The following CACNA1D variants were observed in gnomAD, a reference collection of about 807,000 sequenced individuals.
The protein encoded by CACNA1D is calcium voltage-gated channel subunit alpha1 D.
CACNA1D carries 55 observed loss-of-function variants against 257.1 expected under a neutral mutation model. That is an observed-to-expected ratio of 0.21 (90% confidence interval 0.17 to 0.27). The LOEUF (loss-of-function observed/expected upper bound fraction) is 0.27. CACNA1D is among the 10% of genes least tolerant of loss of function. CACNA1D has a pLI of 1.00. For synonymous variants in CACNA1D, 980 were observed against 1,014.9 expected, an observed-to-expected ratio of 0.97 and a Z score of 0.65; for missense variants, 1,876 against 2,784.0, an observed-to-expected ratio of 0.67 and a Z score of 7.34.
intron 45 of CACNA1D, 150 bp from the exon 46 acceptor site, chr3:53,808,499 G>T (rs1053381086): frequency 4.7e-6 from 4 of 848,678 alleles, no homozygotes; most frequent in Non-Finnish European, 7.8e-6. Context: ...ACTAAAGTTT[G>T]GAGACCTCAC....
intron 8 of CACNA1D, among the ~76,000 whole-genome samples, chr3:53,684,621 CAAAAAAAAAAA>C (rs60026644): frequency 0.32 from 27,069 of 85,316 alleles, 3,227 homozygotes; most frequent in South Asian, 0.55. Flanking sequence ...GAAACTCTGT[CAAAAAAAAAAA>C]AAAAAAAAAA....
intron 40 of CACNA1D, among the ~76,000 whole-genome samples, chr3:53,795,268 GAATAT>G (rs2095502466): frequency 6.6e-6 from 1 of 152,222 alleles, no homozygotes; most frequent in South Asian, 2.1e-4. Flanking sequence ...GCTGACTTAG[GAATAT>G]AAGAGCTCTG....
chr3:53,640,663 G>A (rs943103098), intron 3 of CACNA1D, among the ~76,000 whole-genome samples: 1 of 152,204 alleles, frequency 6.6e-6, no homozygotes, highest in African/African-American at 2.4e-5. Context: ...CTTGGTTGGT[G>A]CTCAATTGTT....
rs540315739 is a variant in CACNA1D, at chr3:53,571,091, C to T, written c.483+69371C>T. Among the ~76,000 whole-genome samples the T allele has an allele frequency of 9.2e-5, 14 of 152,252 alleles. No homozygotes were observed. The East Asian group carries it at 1.5e-3, about 17-fold the overall frequency. On this transcript the variant is annotated intron_variant, in intron 3 of 47. Coordinates refer to ENST00000350061, the MANE Select transcript of CACNA1D (RefSeq NM_001128840.3). ...CTGCCATTGGTGATTTTGGGTGCTT[C>T]GTGGGCTTTGGGTCAAGGCAGGGGG...
intron 26 of CACNA1D, 77 bp from the exon 27 acceptor site, chr3:53,749,191 G>A (rs1191450559): frequency 2.0e-6 from 2 of 993,456 alleles, no homozygotes; most frequent in East Asian, 2.5e-5. Context: ...TGGAGAGGGA[G>A]GACCTGGGAA....
intron 45 of CACNA1D, 37 bp from the exon 46 acceptor site, chr3:53,808,612 T>G: frequency 6.2e-7 from 1 of 1,603,102 alleles, no homozygotes; most frequent in Non-Finnish European, 8.5e-7. Flanking sequence ...GGCAGAGAAC[T>G]TGCTTCACAG....
intron 5 of CACNA1D, among the ~76,000 whole-genome samples, chr3:53,660,796 T>G (rs2094196529): frequency 6.6e-6 from 1 of 152,180 alleles, no homozygotes; most frequent in South Asian, 2.1e-4. Flanking sequence ...GGATGAATGC[T>G]TCTTACCTGG....
chr3:53,692,844 G>A (rs188787194), intron 8 of CACNA1D, among the ~76,000 whole-genome samples: 1 of 152,240 alleles, frequency 6.6e-6, no homozygotes, highest in African/African-American at 2.4e-5. Flanking sequence ...GATCCCTTGA[G>A]GCCAGAAGTT....
In CACNA1D at chr3:53,802,152, G is replaced by A. The variant is rs754161736; in HGVS notation, c.5414G>A (p.Arg1805His). 15 of 1,608,072 alleles carry A rather than the reference G, an allele frequency of 9.3e-6. No individual in the cohort carries two copies. The highest frequency in any genetic ancestry group is 1.3e-5 in the Non-Finnish European group (15 of 1,174,676). The change falls in exon 43 of 48, where the codon CGC becomes CAC. Residue 1805 changes from arginine to histidine, a missense_variant. Physicochemically the swap from Arg to His is conservative, Grantham distance 29. Transcript: ENST00000350061. ...PQRRSSVKRT[R>H]YYETYIRSDS... is the part of the protein sequence containing the mutation. The stretch of plus-strand genomic sequence containing the variant: ...GTTATGCCTTTCCTGGATAGAACCC[G>A]CTATTATGAAACTTACATTAGGTAT...
In CACNA1D at chr3:53,753,584, T is replaced by G; in HGVS notation, c.3688T>G (p.Ser1230Ala). ...TCTTCATCCATAGCACTACGAGCAG[T>G]CCAAGATGTTCAATGATGCCATGGA... Reference protein sequence around the residue: ...LCLAMQHYEQSKMFNDAMDIL... With the variant: ...LCLAMQHYEQAKMFNDAMDIL... The change falls in exon 29 of 48, where the codon TCC becomes GCC. Residue 1230 changes from serine (S) to alanine (A), a missense_variant. Coordinates refer to ENST00000350061, the MANE Select transcript of CACNA1D (RefSeq NM_001128840.3). The G allele has an allele frequency of 6.2e-7, 1 of 1,607,206 alleles. No individual in the cohort carries two copies. Among genetic ancestry groups the G allele is most frequent in the Non-Finnish European group, 8.5e-7 (1 of 1,173,676 alleles).
intron 3 of CACNA1D, among the ~76,000 whole-genome samples, chr3:53,570,345 A>G (rs1444075386): frequency 1.3e-5 from 2 of 152,266 alleles, no homozygotes; most frequent in Non-Finnish European, 1.5e-5. Context: ...TGCACTGAGC[A>G]TAATTCCAAA....
chr3:53,608,055 A>T (rs1036585538), intron 3 of CACNA1D, among the ~76,000 whole-genome samples: 19 of 152,272 alleles, frequency 1.2e-4, no homozygotes, highest in African/African-American at 4.6e-4. Context: ...TTAGATTTTG[A>T]TTGGGATTAC....
chr3:53,730,094 A>G (rs2094974645), intron 15 of CACNA1D, among the ~76,000 whole-genome samples: 1 of 152,202 alleles, frequency 6.6e-6, no homozygotes, highest in Admixed American at 6.5e-5. Flanking sequence ...TGTTTATGTT[A>G]TAGATTGTTT....
chr3:53,719,353 C>T (rs2094857187), intron 10 of CACNA1D, among the ~76,000 whole-genome samples: 1 of 152,234 alleles, frequency 6.6e-6, no homozygotes, highest in African/African-American at 2.4e-5. Flanking sequence ...CCAAGACCTG[C>T]TGCTTTCCCA....
intron 3 of CACNA1D, among the ~76,000 whole-genome samples, chr3:53,516,889 A>G (rs757010350): frequency 3.3e-5 from 5 of 152,144 alleles, no homozygotes; most frequent in Non-Finnish European, 5.9e-5. Context: ...TAAGATGACA[A>G]ATGAGGTCTG....
chr3:53,610,783 A>G (rs370003922), intron 3 of CACNA1D, among the ~76,000 whole-genome samples: 48 of 152,088 alleles, frequency 3.2e-4, no homozygotes, highest in African/African-American at 1.1e-3. Flanking sequence ...CACATAAGCT[A>G]TATCTATTTT....
intron 29 of CACNA1D, among the ~76,000 whole-genome samples, chr3:53,758,990 G>A (rs1243135759): frequency 6.6e-6 from 1 of 152,148 alleles, no homozygotes; most frequent in Non-Finnish European, 1.5e-5. Flanking sequence ...ACAGTATGTG[G>A]GAAGAATGGG....
chr3:53,651,514 C>T (rs892431789), intron 4 of CACNA1D, among the ~76,000 whole-genome samples: 22 of 151,730 alleles, frequency 1.4e-4, no homozygotes, highest in African/African-American at 5.1e-4. Flanking sequence ...AGCAGGTGTT[C>T]CACCAAAATC....
At chr3:53,525,470 G>A (rs1250411587) in intron 3 of CACNA1D, among the ~76,000 whole-genome samples, 1 of 152,214 alleles carries the variant, frequency 6.6e-6, no homozygotes, top group Non-Finnish European at 1.5e-5. Context: ...AGATGACCCA[G>A]TGGTGAAGAG....
Sources: gnomAD v4.1 joint callset for allele counts (sites outside exome capture counted in the v4.1 genomes callset) on GRCh38, gnomAD v4.1.1 for gene constraint, MANE v1.5 for transcripts, NCBI Gene and HGNC (gene_info 2026-07-23, HGNC 2026-07-21) for gene names.